Variants in CMIP observed in about 807,000 individuals in gnomAD.
CMIP encodes C-Maf-inducing protein.
A neutral mutation model predicts 97.3 loss-of-function variants in CMIP; 13 were observed. The observed-to-expected ratio is 0.13, with a 90% CI of 0.09 to 0.21. The LOEUF is 0.21. Among genes scored for constraint, CMIP ranks in the 10% least tolerant of loss-of-function variants. The pLI is 1.00. For missense variants in CMIP, 847 were observed against 1,024.9 expected (o/e 0.83, Z 2.37); for synonymous variants, 538 against 436.3 (o/e 1.23, Z -2.91).
At chr16:81,623,384 A>G (rs138141582) in intron 3 of CMIP, among the ~76,000 whole-genome samples, 114 of 152,344 alleles carry the variant, frequency 7.5e-4, no homozygotes, top group Non-Finnish European at 1.3e-3. Flanking sequence ...AAAAATTTTC[A>G]GAAAACCTAA....
chr16:81,612,744 C>G (rs2091852104), intron 2 of CMIP, among the ~76,000 whole-genome samples: 1 of 152,194 alleles, frequency 6.6e-6, no homozygotes, highest in Non-Finnish European at 1.5e-5. Context: ...AGCCTGGAAC[C>G]AGCTGCCCGC....
chr16:81,465,453 T>C (rs1471247793), intron 1 of CMIP, among the ~76,000 whole-genome samples: 1 of 152,242 alleles, frequency 6.6e-6, no homozygotes, highest in Non-Finnish European at 1.5e-5. Context: ...CCTGCTGTGC[T>C]TGCTTCCTTT....
chr16:81,520,548 G>T (rs1272293041), intron 1 of CMIP: 1 of 143,666 alleles, frequency 7.0e-6, no homozygotes, highest in Non-Finnish European at 1.5e-5. Flanking sequence ...GAGAGAGAGA[G>T]AGGGAGGGAG....
At position 81,557,524 on chromosome 16, in the gene CMIP, T is replaced by A. The variant is rs139846269; in HGVS notation, c.301-50043T>A. Among the ~76,000 whole-genome samples the A allele has an allele frequency of 3.4e-3, 517 of 152,332 alleles. 6 individuals carry two copies. The highest frequency in any genetic ancestry group is 0.011 in the African/African-American group (469 of 41,574). On this transcript the variant is annotated intron_variant, in intron 1 of 20. Transcript: ENST00000537098. ...TATGTTTATAATGTGGAATAATTGA[T>A]TAAATCATGCTAACAAATCCAAAAA...
At position 81,620,941 on chromosome 16, in the gene CMIP, G is replaced by C. The variant is rs769261164; in HGVS notation, c.477+15G>C. 1 of 1,613,558 alleles carries C rather than the reference G, an allele frequency of 6.2e-7. No homozygotes were observed. Among genetic ancestry groups the C allele is most frequent in the African/African-American group, 1.3e-5 (1 of 74,916 alleles). On this transcript the variant is annotated intron_variant, in intron 3 of 20. Coordinates refer to ENST00000537098, the MANE Select transcript of CMIP (RefSeq NM_198390.3). ...TGCAATGGAAGGTAAGTACTGACTC[G>C]GTTGCTTGTTTAAAGCGACTCAGGC...
rs1292929938 is a variant in CMIP, at chr16:81,709,842, A to AATAACTCTTGACT, written c.*45_*57dup. ...AGGAAGACGTTTGCAACCGCGACAAAATAACTCTTGACTAACAGCCGCAGA... is the reference window on the plus strand; with the variant it reads ...AGGAAGACGTTTGCAACCGCGACAAAATAACTCTTGACTATAACTCTTGACTAACAGCCGCAGA... On this transcript the variant is annotated 3_prime_UTR_variant, in exon 21 of 21. Coordinates refer to ENST00000537098, the MANE Select transcript of CMIP (RefSeq NM_198390.3). 1 of 1,610,354 alleles carries AATAACTCTTGACT rather than the reference A, an allele frequency of 6.2e-7. No individual in the cohort carries two copies. Among genetic ancestry groups the AATAACTCTTGACT allele is most frequent in the East Asian group, 2.2e-5 (1 of 44,764 alleles).
chr16:81,515,002 C>A (rs2089885472), intron 1 of CMIP, among the ~76,000 whole-genome samples: 1 of 152,184 alleles, frequency 6.6e-6, no homozygotes, highest in Admixed American at 6.6e-5. Context: ...GTGCCAGGCC[C>A]AACAGCCCTG....
At chr16:81,503,177 T>G (rs916841943) in intron 1 of CMIP, among the ~76,000 whole-genome samples, 1 of 152,124 alleles carries the variant, frequency 6.6e-6, no homozygotes, top group Non-Finnish European at 1.5e-5. Context: ...ATACTGAAAG[T>G]CTTGAATTCC....
chr16:81,593,954 C>T (rs1436105138), intron 1 of CMIP, among the ~76,000 whole-genome samples: 2 of 150,252 alleles, frequency 1.3e-5, no homozygotes, highest in Non-Finnish European at 3.0e-5. Flanking sequence ...TTACCTTCCC[C>T]CTACCATACC....
chr16:81,585,983 G>C (rs1005500721), intron 1 of CMIP, among the ~76,000 whole-genome samples: 6 of 152,186 alleles, frequency 3.9e-5, no homozygotes, highest in African/African-American at 1.4e-4. Flanking sequence ...GCCGGGGAAG[G>C]CCTGTTAGTG....
intron 2 of CMIP, among the ~76,000 whole-genome samples, chr16:81,610,011 CAGAG>C (rs1040936768): frequency 2.6e-5 from 4 of 152,188 alleles, no homozygotes; most frequent in African/African-American, 9.6e-5. Context: ...CTGTGCATGA[CAGAG>C]AGGCAGGAGG....
At chr16:81,680,875 G>A (rs1416419145) in intron 10 of CMIP, among the ~76,000 whole-genome samples, 3 of 152,228 alleles carry the variant, frequency 2.0e-5, no homozygotes, top group East Asian at 3.8e-4. Flanking sequence ...GGGCCTTCTG[G>A]TATTTGGGGC....
chr16:81,467,731 C>A (rs1907290735), intron 1 of CMIP, among the ~76,000 whole-genome samples: 1 of 151,794 alleles, frequency 6.6e-6, no homozygotes, highest in African/African-American at 2.4e-5. Context: ...CAGGCATGTG[C>A]CACCATGCCT....
chr16:81,668,235 C>A (rs1276413955), intron 7 of CMIP, among the ~76,000 whole-genome samples: 1 of 152,136 alleles, frequency 6.6e-6, no homozygotes, highest in South Asian at 2.1e-4. Context: ...AGCCACATCA[C>A]GTTTATGGAG....
chr16:81,691,285 G>C (rs1401461860), intron 10 of CMIP, among the ~76,000 whole-genome samples: 8 of 152,192 alleles, frequency 5.3e-5, no homozygotes, highest in Admixed American at 4.6e-4. Context: ...AGTCCTGGCT[G>C]GTCTTTGCTC....
Position 81,616,089 on chromosome 16 carries a change from C to G in CMIP, c.427-4787C>G, listed in dbSNP as rs564286376. On this transcript the variant is annotated intron_variant, in intron 2 of 20. Coordinates refer to ENST00000537098, the MANE Select transcript of CMIP (RefSeq NM_198390.3). The surrounding 1 kb of genome is among the most constrained non-coding windows in gnomAD (Gnocchi z 4.7). The stretch of plus-strand genomic sequence containing the variant: ...AAGGAGGCGCAGGAGAGTTCCGCAT[C>G]GAGACTGTCCTCAGCCCGGCATCTC... Among the ~76,000 whole-genome samples the G allele has an allele frequency of 2.0e-5, 3 of 151,462 alleles. No homozygotes were observed. In the East Asian group the frequency reaches 5.8e-4, roughly 29 times the overall value.
At chr16:81,686,832 C>G (rs1456668434) in intron 10 of CMIP, among the ~76,000 whole-genome samples, 1 of 152,194 alleles carries the variant, frequency 6.6e-6, no homozygotes, top group Non-Finnish European at 1.5e-5. Flanking sequence ...AGACACACAG[C>G]ACGCAAACCG....
intron 1 of CMIP, among the ~76,000 whole-genome samples, chr16:81,536,338 C>G (rs1165837883): frequency 6.6e-6 from 1 of 152,052 alleles, no homozygotes; most frequent in African/African-American, 2.4e-5. Flanking sequence ...GGAGGGTGTG[C>G]CCTGGATGGA....
chr16:81,673,856 C>T (rs572421283), intron 9 of CMIP, among the ~76,000 whole-genome samples: 4 of 152,320 alleles, frequency 2.6e-5, no homozygotes, highest in African/African-American at 9.6e-5. Context: ...CACTACACAA[C>T]TCCAAGGAGA....
Sources: gnomAD v4.1 joint callset for allele counts (sites outside exome capture counted in the v4.1 genomes callset) on GRCh38, gnomAD v4.1.1 for gene constraint, Gnocchi (gnomAD v3.1) non-coding constraint, MANE v1.5 for transcripts, NCBI Gene and HGNC (gene_info 2026-07-23, HGNC 2026-07-21) for gene names.